Variants in SLC30A10 observed in about 807,000 individuals in gnomAD.
SLC30A10 encodes the protein calcium/manganese antiporter SLC30A10.
SLC30A10 carries 8 observed loss-of-function variants against 21.7 expected under a neutral mutation model. The ratio of observed to expected loss-of-function variants is 0.37; its 90% CI spans 0.22 to 0.67. SLC30A10 has a LOEUF of 0.67. SLC30A10 is among the 30% of genes least tolerant of loss of function. The pLI, the probability that SLC30A10 is intolerant of heterozygous loss-of-function variation, is 0.58. For synonymous variants in SLC30A10, 272 were observed against 279.4 expected, an observed-to-expected ratio of 0.97 and a Z score of 0.26; for missense variants, 521 against 642.5, an observed-to-expected ratio of 0.81 and a Z score of 2.04.
At chr1:219,952,587 C>T (rs1162000475) in intron 1 of SLC30A10, among the ~76,000 whole-genome samples, 2 of 152,066 alleles carry the variant, frequency 1.3e-5, no homozygotes, top group Non-Finnish European at 2.9e-5. Context: ...TTGTCTGAAC[C>T]TGTTTTCCTT....
intron 2 of SLC30A10, among the ~76,000 whole-genome samples, chr1:219,925,651 A>ATTTTTTTTT (rs1210071228): frequency 4.1e-5 from 2 of 48,282 alleles, no homozygotes; most frequent in African/African-American, 1.2e-4. Flanking sequence ...ATATATATAT[A>ATTTTTTTTT]TTTTTTTTTT....
chr1:219,928,738 T>G, upstream of SLC30A10: 1 of 345,350 alleles, frequency 2.9e-6, no homozygotes, highest in East Asian at 5.8e-5. This position sits in a 1 kb window ranked among gnomAD's most constrained non-coding sequence, Gnocchi z 6.3. Flanking sequence ...CACGAGCCGA[T>G]GTCTCTCTTT....
intron 2 of SLC30A10, among the ~76,000 whole-genome samples, chr1:219,923,015 G>A (rs7539867): frequency 0.032 from 4,844 of 152,222 alleles, 235 homozygotes; most frequent in African/African-American, 0.11. Flanking sequence ...TGGGTATGCC[G>A]GGAGACAGTG....
chr1:219,956,374 G>A (rs1660349039), intron 1 of SLC30A10, among the ~76,000 whole-genome samples: 1 of 152,232 alleles, frequency 6.6e-6, no homozygotes, highest in South Asian at 2.1e-4. Context: ...ACCAAAAGCT[G>A]CCAAAATAAT....
chr1:219,955,862 T>C (rs183232814), intron 1 of SLC30A10, among the ~76,000 whole-genome samples: 1 of 152,310 alleles, frequency 6.6e-6, no homozygotes, highest in East Asian at 1.9e-4. Context: ...TATCCTAAGT[T>C]TAGGTTGAAT....
chr1:219,921,994 C>T (rs751144788), intron 2 of SLC30A10, among the ~76,000 whole-genome samples: 14 of 151,446 alleles, frequency 9.2e-5, no homozygotes, highest in Non-Finnish European at 1.9e-4. Flanking sequence ...CCCTCTGTCA[C>T]CCAGGCTGGA....
In SLC30A10 at chr1:219,915,776, A is replaced by G. The variant is rs375288113; in HGVS notation, c.1131T>C (p.Asn377=). 4 of 1,614,072 alleles carry G rather than the reference A, an allele frequency of 2.5e-6. No homozygotes were observed. In the African/African-American group the frequency reaches 5.3e-5, roughly 22 times the overall value. The part of the protein sequence containing the change: ...REIFHHAGIH[N]VTIQFENVDL... ...CCACATTTTCAAACTGGATGGTCACATTGTGGATTCCCGCATGGTGGAAGA... is the reference window on the plus strand; with the variant it reads ...CCACATTTTCAAACTGGATGGTCACGTTGTGGATTCCCGCATGGTGGAAGA... The change falls in exon 4 of 4, where the codon AAT becomes AAC. Residue 377 remains asparagine (N), a synonymous_variant. Coordinates refer to ENST00000366926, the MANE Select transcript of SLC30A10 (RefSeq NM_018713.3).
chr1:219,911,148 AGTTTTTTT>A lies in SLC30A10; in HGVS notation c.*4293_*4300del, dbSNP rs1450464219. On this transcript the variant is annotated 3_prime_UTR_variant, in exon 4 of 4. Coordinates refer to ENST00000366926, the MANE Select transcript of SLC30A10 (RefSeq NM_018713.3). ...CATGTTTCTTCATTTTTTCTACATC[AGTTTTTTT>A]TTTTTTTTTTTTTTTTTTGCAGTCT... Among the ~76,000 whole-genome samples the A allele has an allele frequency of 2.3e-4, 9 of 38,592 alleles. No homozygotes were observed. In the East Asian group the frequency reaches 5.4e-3, roughly 23 times the overall value. The allele number at this position is 38,592 out of a possible 152,430, so 25.3% of individuals were successfully genotyped here.
intron 1 of SLC30A10, among the ~76,000 whole-genome samples, chr1:219,954,402 G>C (rs1040525210): frequency 1.8e-4 from 27 of 151,998 alleles, no homozygotes; most frequent in Admixed American, 1.7e-3. Context: ...AAACTTAGCC[G>C]GGCACAGTGG....
chr1:219,915,551 T>C lies in SLC30A10; in HGVS notation c.1356A>G (p.Glu452=), dbSNP rs761771918. The change falls in exon 4 of 4, where the codon GAA becomes GAG. Residue 452 remains glutamate, a synonymous_variant. Transcript: ENST00000366926. The part of the protein sequence containing the change: ...SDGLSRRDAR[E]VAIEVSLDSC... ...TATCCAAAGACACTTCAATAGCCAC[T>C]TCTCTTGCGTCTCTTCTACTGAGGC... 8.7e-6 allele frequency: 14 copies of C among 1,614,150 alleles called. No individual in the cohort carries two copies. Among genetic ancestry groups the C allele is most frequent in the African/African-American group, 1.3e-5 (1 of 74,958 alleles).
At chr1:219,933,932 C>A (rs1412108658) in intron 1 of SLC30A10, among the ~76,000 whole-genome samples, 2 of 152,148 alleles carry the variant, frequency 1.3e-5, no homozygotes, top group South Asian at 2.1e-4. Flanking sequence ...GTGGGCGGAT[C>A]ACCTGAGGTC....
rs1491117690 is a variant in SLC30A10 at position 219,925,652 on chromosome 1, T to TATATATATATATATATATATATA, written c.718+1375_718+1376insTATATATATATATATATATATAT. Among the ~76,000 whole-genome samples the TATATATATATATATATATATATA allele has an allele frequency of 3.1e-4, 12 of 38,182 alleles. 1 individual carries two copies. The highest frequency in any genetic ancestry group is 2.6e-3 in the South Asian group (2 of 780). The allele number at this position is 38,182 out of a possible 152,430, so 25.0% of individuals were successfully genotyped here. On this transcript the variant is annotated intron_variant, in intron 2 of 3. Transcript: ENST00000366926. ...GTGTACATATATATATATATATATA[T>TATATATATATATATATATATATA]TTTTTTTTTTTTTTTTTTTTTGAGA... is the stretch of plus-strand genomic sequence containing the variant.
chr1:219,958,416 A>G (rs937645150), intron 1 of SLC30A10, among the ~76,000 whole-genome samples: 6 of 152,094 alleles, frequency 3.9e-5, no homozygotes, highest in African/African-American at 1.4e-4. Flanking sequence ...ACTAAAGGCA[A>G]CTCTTCTGAG....
chr1:219,952,214 T>G (rs979294104), intron 1 of SLC30A10, among the ~76,000 whole-genome samples: 1 of 152,144 alleles, frequency 6.6e-6, no homozygotes, highest in African/African-American at 2.4e-5. Context: ...TACCATTTAT[T>G]GAGTGTTCAG....
chr1:219,938,777 C>T (rs1019322224), intron 1 of SLC30A10, among the ~76,000 whole-genome samples: 1 of 150,142 alleles, frequency 6.7e-6, no homozygotes, highest in African/African-American at 2.5e-5. Context: ...TTGGCAGGAA[C>T]CTTGAGAAAG....
intron 1 of SLC30A10, among the ~76,000 whole-genome samples, chr1:219,951,387 T>A (rs1014541816): frequency 1.3e-5 from 2 of 152,158 alleles, no homozygotes; most frequent in Non-Finnish European, 2.9e-5. Context: ...TTTCTTTTTT[T>A]AAGTTAATTT....
At chr1:219,949,264 C>T (rs1439882699) in intron 1 of SLC30A10, among the ~76,000 whole-genome samples, 1 of 151,794 alleles carries the variant, frequency 6.6e-6, no homozygotes, top group Admixed American at 6.6e-5. Context: ...TGGGTATATA[C>T]CCAAAGGACT....
chr1:219,911,961 G>C lies in SLC30A10; in HGVS notation c.*3488C>G, dbSNP rs1332220706. On this transcript the variant is annotated 3_prime_UTR_variant, in exon 4 of 4. Transcript: ENST00000366926. ...ACAGTACACAACCCACACATCAGGAGCAAGAACACATCCAATTCAAAATGT... is the reference window on the plus strand; with the variant it reads ...ACAGTACACAACCCACACATCAGGACCAAGAACACATCCAATTCAAAATGT... Among the ~76,000 whole-genome samples the C allele has an allele frequency of 6.6e-6, 1 of 151,996 alleles. No individual in the cohort carries two copies. The highest frequency in any genetic ancestry group is 2.1e-4 in the South Asian group (1 of 4,812).
upstream of SLC30A10, among the ~76,000 whole-genome samples, chr1:219,932,471 A>G (rs528169027): frequency 4.5e-4 from 68 of 152,154 alleles, no homozygotes; most frequent in Non-Finnish European, 6.6e-4. Context: ...TTTTGTTTTT[A>G]GTTCTACTTG....
Sources: allele counts gnomAD v4.1 joint callset (sites outside exome capture counted in the v4.1 genomes callset), GRCh38; gene constraint gnomAD v4.1.1; non-coding constraint Gnocchi (gnomAD v3.1); transcripts MANE v1.5; gene names NCBI Gene and HGNC (gene_info 2026-07-23, HGNC 2026-07-21).